The following MAP2K5 variants were observed in gnomAD, a reference collection of about 807,000 sequenced individuals.
The protein encoded by MAP2K5 is mitogen-activated protein kinase kinase 5, also known as dual specificity mitogen-activated protein kinase kinase 5.
A neutral mutation model predicts 83.1 loss-of-function variants in MAP2K5; 49 were observed. The observed-to-expected ratio is 0.59, with a 90% CI of 0.47 to 0.75. The LOEUF (loss-of-function observed/expected upper bound fraction) is 0.75, where lower values mean the gene tolerates loss of function less well. Among genes scored for constraint, MAP2K5 ranks in the 30% least tolerant of loss-of-function variants. The pLI is 0.00. For missense variants in MAP2K5, 457 were observed against 557.5 expected, an observed-to-expected ratio of 0.82 and a Z score of 1.82; for synonymous variants, 202 against 191.8, an observed-to-expected ratio of 1.05 and a Z score of -0.44.
At position 67,624,231 on chromosome 15, in the gene MAP2K5, C is replaced by T. The variant is rs546122821; in HGVS notation, c.546-6657C>T. Among the ~76,000 whole-genome samples the T allele has an allele frequency of 1.3e-4, 19 of 146,798 alleles. No individual in the cohort carries two copies. In the East Asian group the frequency reaches 1.7e-3, roughly 13 times the overall value. Reference sequence around the variant, plus strand: ...GCGGGTACCTGTAGTCTTAGCTACTCGGGAGGCTGAGGCAGGAGAATGGTG... The same window carrying T: ...GCGGGTACCTGTAGTCTTAGCTACTTGGGAGGCTGAGGCAGGAGAATGGTG... On this transcript the variant is annotated intron_variant, in intron 8 of 21. Coordinates refer to ENST00000178640, the MANE Select transcript of MAP2K5 (RefSeq NM_145160.3).
chr15:67,704,253 T>A (rs2088496110), intron 16 of MAP2K5, among the ~76,000 whole-genome samples: 1 of 152,176 alleles, frequency 6.6e-6, no homozygotes, highest in East Asian at 1.9e-4. Context: ...GGACTTGTAT[T>A]TTCTTTATTT....
At chr15:67,554,618 ATC>A (rs1165464760) in intron 2 of MAP2K5, among the ~76,000 whole-genome samples, 2 of 152,128 alleles carry the variant, frequency 1.3e-5, no homozygotes, top group Non-Finnish European at 2.9e-5. Context: ...GATGGCATTA[ATC>A]TCTCTGCACC....
Position 67,677,659 on chromosome 15 carries a change from A to T in MAP2K5, c.847+13014A>T, listed in dbSNP as rs1211764661. 6.6e-6 allele frequency among the ~76,000 whole-genome samples: 1 copy of T among 152,234 alleles called. No homozygotes were observed. ...TTAGACTTGGGGAAGTAGGTTGTGC[A>T]GGAACACATTCCTCCAGACCTGGCT... is the stretch of plus-strand genomic sequence containing the variant. On this transcript the variant is annotated intron_variant, in intron 13 of 21. Transcript: ENST00000178640. This position sits in a 1 kb window ranked among gnomAD's most constrained non-coding sequence, Gnocchi z 4.2.
At chr15:67,730,464 C>G (rs929350950) in intron 17 of MAP2K5, among the ~76,000 whole-genome samples, 1 of 152,190 alleles carries the variant, frequency 6.6e-6, no homozygotes, top group Admixed American at 6.5e-5. Context: ...GAATCATAGA[C>G]TCTTAGAGTT....
chr15:67,592,919 T>A lies in MAP2K5; in HGVS notation c.432-7T>A. ...TCTTGCCACTAAAAATTATCTTTCC[T>A]TTTCAGCTTAAAGAAGTCTTCTGCT... is the stretch of plus-strand genomic sequence containing the variant. On this transcript the variant is annotated splice_region_variant and splice_polypyrimidine_tract_variant and intron_variant, in intron 6 of 21. Coordinates refer to ENST00000178640, the MANE Select transcript of MAP2K5 (RefSeq NM_145160.3). The A allele has an allele frequency of 1.2e-6, 2 of 1,605,610 alleles. No individual in the cohort carries two copies. Among genetic ancestry groups the A allele is most frequent in the Non-Finnish European group, 1.7e-6 (2 of 1,173,902 alleles).
At chr15:67,620,801 T>A (rs1320931448) in intron 8 of MAP2K5, among the ~76,000 whole-genome samples, 1 of 152,166 alleles carries the variant, frequency 6.6e-6, no homozygotes, top group East Asian at 1.9e-4. Context: ...GGTATGATTG[T>A]TAAAAATTAT....
rs2087690139 is a variant in MAP2K5, at chr15:67,676,609, TAAC to T, written c.847+11967_847+11969del. On this transcript the variant is annotated intron_variant, in intron 13 of 21. Transcript: ENST00000178640. The surrounding 1 kb of genome is among the most constrained non-coding windows in gnomAD (Gnocchi z 4.8). ...TCTGGATTGGGTACAATCATAATGA[TAAC>T]AATATTAATCATTTTCCTAATATCA... Among the ~76,000 whole-genome samples, 2 of 152,198 alleles carry T rather than the reference TAAC, an allele frequency of 1.3e-5. No individual in the cohort carries two copies. The highest frequency in any genetic ancestry group is 4.8e-5 in the African/African-American group (2 of 41,454).
intron 21 of MAP2K5, among the ~76,000 whole-genome samples, chr15:67,776,157 C>T (rs1359430198): frequency 1.3e-5 from 2 of 152,170 alleles, no homozygotes; most frequent in South Asian, 2.1e-4. Flanking sequence ...AGCGTGCAGG[C>T]AGCCAAGAAC....
intron 21 of MAP2K5, among the ~76,000 whole-genome samples, chr15:67,773,826 G>T (rs940023556): frequency 6.6e-6 from 1 of 152,182 alleles, no homozygotes; most frequent in Non-Finnish European, 1.5e-5. Context: ...CTCTGTGATG[G>T]TTGGGAAATT....
In MAP2K5 at chr15:67,561,516, A is replaced by G. The variant is rs967397630; in HGVS notation, c.185-1767A>G. 2.6e-5 allele frequency among the ~76,000 whole-genome samples: 4 copies of G among 152,082 alleles called. No homozygotes were observed. Among genetic ancestry groups the G allele is most frequent in the African/African-American group, 9.7e-5 (4 of 41,394 alleles). On this transcript the variant is annotated intron_variant, in intron 2 of 21. Coordinates refer to ENST00000178640, the MANE Select transcript of MAP2K5 (RefSeq NM_145160.3). The surrounding 1 kb of genome is among the most constrained non-coding windows in gnomAD (Gnocchi z 4.2). ...ATGCCTTTTACTCTGAAAACAGGCAACTCTTGATAGCAGAATACTGGTAGT... is the reference window on the plus strand; with the variant it reads ...ATGCCTTTTACTCTGAAAACAGGCAGCTCTTGATAGCAGAATACTGGTAGT...
At chr15:67,725,001 C>A (rs1380759329) in intron 16 of MAP2K5, among the ~76,000 whole-genome samples, 1 of 152,202 alleles carries the variant, frequency 6.6e-6, no homozygotes, top group African/African-American at 2.4e-5. Flanking sequence ...GTCTTACAAG[C>A]AGTCCTCCCA....
At chr15:67,557,550 T>A (rs979527731) in intron 2 of MAP2K5, among the ~76,000 whole-genome samples, 5 of 152,214 alleles carry the variant, frequency 3.3e-5, no homozygotes, top group African/African-American at 1.2e-4. Flanking sequence ...TTTCAGCTGT[T>A]TTATGAACTG....
At chr15:67,754,334 G>A (rs1168962640) in intron 19 of MAP2K5, among the ~76,000 whole-genome samples, 2 of 152,188 alleles carry the variant, frequency 1.3e-5, no homozygotes, top group Non-Finnish European at 2.9e-5. Context: ...TTGCTTGGCT[G>A]GATAGGATGG....
chr15:67,567,050 TTTC>T (rs1450878427), intron 3 of MAP2K5, among the ~76,000 whole-genome samples: 1 of 152,256 alleles, frequency 6.6e-6, no homozygotes, highest in Non-Finnish European at 1.5e-5. Flanking sequence ...GTTGTATTCT[TTTC>T]TTCATTAGAG....
At chr15:67,629,175 A>G in intron 8 of MAP2K5, 16 of 697,028 alleles carry the variant, frequency 2.3e-5, no homozygotes, top group Non-Finnish European at 4.0e-5. Context: ...GAGGAGAGCT[A>G]GAGAAGTGAC....
At chr15:67,633,683 T>C (rs1369648980) in intron 9 of MAP2K5, among the ~76,000 whole-genome samples, 1 of 152,242 alleles carries the variant, frequency 6.6e-6, no homozygotes, top group Admixed American at 6.5e-5. Flanking sequence ...GTATTCACTT[T>C]GTATCTCTAG....
chr15:67,776,701 T>C (rs2090246264), intron 21 of MAP2K5, among the ~76,000 whole-genome samples: 1 of 152,128 alleles, frequency 6.6e-6, no homozygotes, highest in Non-Finnish European at 1.5e-5. Flanking sequence ...ATAAAAGGGG[T>C]ATGTGAGATA....
At chr15:67,725,990 G>A (rs1430441623) in intron 16 of MAP2K5, among the ~76,000 whole-genome samples, 1 of 151,486 alleles carries the variant, frequency 6.6e-6, no homozygotes, top group African/African-American at 2.4e-5. Context: ...AACTTCGAAA[G>A]GGAGTTTGGC....
intron 13 of MAP2K5, among the ~76,000 whole-genome samples, chr15:67,684,636 C>T (rs1254383664): frequency 6.6e-5 from 10 of 151,980 alleles, no homozygotes; most frequent in Non-Finnish European, 4.4e-5. Flanking sequence ...AAATAGATGC[C>T]CCCCTCCCAC....
Sources: gnomAD v4.1 joint callset for allele counts (sites outside exome capture counted in the v4.1 genomes callset) on GRCh38, gnomAD v4.1.1 for gene constraint, Gnocchi (gnomAD v3.1) non-coding constraint, MANE v1.5 for transcripts, NCBI Gene and HGNC (gene_info 2026-07-23, HGNC 2026-07-21) for gene names.